Variants in PPP3CA observed in about 807,000 individuals in gnomAD.
The protein encoded by PPP3CA is CAM-PRP catalytic subunit.
Under a neutral mutation model 66.5 loss-of-function variants are expected in PPP3CA, and 14 were observed. That is an observed-to-expected ratio of 0.21 (90% CI 0.14 to 0.33). PPP3CA has a LOEUF of 0.33. Among genes scored for constraint, PPP3CA ranks in the 10% least tolerant of loss-of-function variants. The pLI is 1.00. For synonymous variants in PPP3CA, 232 were observed against 226.2 expected (o/e 1.03, Z -0.23); for missense variants, 317 against 639.5 (o/e 0.50, Z 5.44).
chr4:101,175,013 G>GTT (rs1724013380), intron 2 of PPP3CA, among the ~76,000 whole-genome samples: 1 of 152,086 alleles, frequency 6.6e-6, no homozygotes, highest in South Asian at 2.1e-4. Context: ...GAGGACTAAG[G>GTT]TAAGACTTAA....
intron 2 of PPP3CA, among the ~76,000 whole-genome samples, chr4:101,163,588 G>A (rs1051475883): frequency 6.6e-6 from 1 of 152,036 alleles, no homozygotes; most frequent in Admixed American, 6.6e-5. Context: ...TCTGGACAAG[G>A]TGTGTTCATC....
At chr4:101,063,656 G>A (rs1212247042) in intron 8 of PPP3CA, among the ~76,000 whole-genome samples, 3 of 151,878 alleles carry the variant, frequency 2.0e-5, no homozygotes, top group African/African-American at 7.2e-5. Flanking sequence ...TTTCAGCCAA[G>A]AATACTTTGG....
At chr4:101,238,576 C>G (rs1726200706) in intron 1 of PPP3CA, among the ~76,000 whole-genome samples, 2 of 151,904 alleles carry the variant, frequency 1.3e-5, no homozygotes, top group African/African-American at 2.4e-5. Flanking sequence ...GACATTCAAG[C>G]TTATTTTCCT....
chr4:101,097,005 A>G (rs1409509660), intron 5 of PPP3CA, among the ~76,000 whole-genome samples: 2 of 152,284 alleles, frequency 1.3e-5, no homozygotes, highest in South Asian at 4.1e-4. Flanking sequence ...GAGTCTTTGT[A>G]TGAATGCCCC....
chr4:101,083,471 G>T (rs956717127), intron 6 of PPP3CA, among the ~76,000 whole-genome samples: 7 of 151,990 alleles, frequency 4.6e-5, no homozygotes, highest in African/African-American at 1.7e-4. Flanking sequence ...TCAGAAAGGG[G>T]TTGAGGTGCA....
Position 101,221,653 on chromosome 4 carries a change from T to A in PPP3CA, c.59-25537A>T, listed in dbSNP as rs561155255. On this transcript the variant is annotated intron_variant, in intron 1 of 13. Coordinates refer to ENST00000394854, the MANE Select transcript of PPP3CA (RefSeq NM_000944.5). ...CTTTATTGAAAAACCACATAAAAAA[T>A]TCAAGTCCAACACCAGCAATGGGCA... is the stretch of plus-strand genomic sequence containing the variant. Among the ~76,000 whole-genome samples, 81 of 151,636 alleles carry A rather than the reference T, an allele frequency of 5.3e-4. 1 individual carries two copies. The highest frequency in any genetic ancestry group is 1.6e-3 in the African/African-American group (68 of 41,472).
intron 2 of PPP3CA, among the ~76,000 whole-genome samples, chr4:101,145,099 C>A (rs1722927600): frequency 1.3e-5 from 2 of 151,976 alleles, no homozygotes; most frequent in African/African-American, 4.8e-5. Flanking sequence ...TTCTCATGGA[C>A]TGTGATGTAC....
In PPP3CA at chr4:101,067,585, C is replaced by A. The variant is rs191284660; in HGVS notation, c.956-4228G>T. 2.7e-5 allele frequency among the ~76,000 whole-genome samples: 4 copies of A among 146,204 alleles called. No individual in the cohort carries two copies. The Admixed American group carries it at 2.8e-4, about 10-fold the overall frequency. Reference sequence around the variant, plus strand: ...ATTTCATAAGAACATGAAAACATTTCGCAACATGCTCTCTACAATTTCCAT... The same window carrying A: ...ATTTCATAAGAACATGAAAACATTTAGCAACATGCTCTCTACAATTTCCAT... On this transcript the variant is annotated intron_variant, in intron 8 of 13. Transcript: ENST00000394854.
chr4:101,315,343 C>T (rs1728852077), intron 1 of PPP3CA, among the ~76,000 whole-genome samples: 1 of 152,068 alleles, frequency 6.6e-6, no homozygotes, highest in Admixed American at 6.5e-5. Context: ...TTAGAGCAAC[C>T]CAAATGAACT....
intron 1 of PPP3CA, among the ~76,000 whole-genome samples, chr4:101,205,107 A>G (rs1402796949): frequency 6.6e-6 from 1 of 151,856 alleles, no homozygotes; most frequent in African/African-American, 2.4e-5. Flanking sequence ...TTATTTATAC[A>G]TTTATTTTTT....
intron 2 of PPP3CA, among the ~76,000 whole-genome samples, chr4:101,112,334 G>A (rs781035541): frequency 1.6e-4 from 24 of 152,070 alleles, no homozygotes; most frequent in Non-Finnish European, 3.1e-4. Context: ...TGTGATAAGA[G>A]ATAATCTCAA....
chr4:101,071,087 C>T (rs1471510165), intron 8 of PPP3CA, among the ~76,000 whole-genome samples: 5 of 152,092 alleles, frequency 3.3e-5, no homozygotes, highest in South Asian at 2.1e-4. Flanking sequence ...GGAGATGGCA[C>T]GGGCATAGCA....
At chr4:101,218,426 T>A (rs949189894) in intron 1 of PPP3CA, among the ~76,000 whole-genome samples, 1 of 152,072 alleles carries the variant, frequency 6.6e-6, no homozygotes, top group East Asian at 1.9e-4. Flanking sequence ...GTTTTCAGAG[T>A]TAAAATGTTA....
At chr4:101,131,280 A>AT in intron 2 of PPP3CA, among the ~76,000 whole-genome samples, 1 of 150,352 alleles carries the variant, frequency 6.7e-6, no homozygotes, top group Non-Finnish European at 1.5e-5. Flanking sequence ...AAATAAATAA[A>AT]ATAAAAAGGC....
intron 2 of PPP3CA, among the ~76,000 whole-genome samples, chr4:101,116,234 A>G (rs1721835041): frequency 6.6e-6 from 1 of 151,892 alleles, no homozygotes; most frequent in Non-Finnish European, 1.5e-5. Context: ...ATCGTTTAGC[A>G]ATTTTCACCA....
intron 1 of PPP3CA, among the ~76,000 whole-genome samples, chr4:101,205,693 C>A (rs752476154): frequency 6.6e-6 from 1 of 152,158 alleles, no homozygotes; most frequent in Admixed American, 6.5e-5. Flanking sequence ...GGTTAAAACA[C>A]CTATAGGCAT....
At chr4:101,068,348 C>T (rs1285899399) in intron 8 of PPP3CA, among the ~76,000 whole-genome samples, 2 of 152,144 alleles carry the variant, frequency 1.3e-5, no homozygotes, top group African/African-American at 2.4e-5. Flanking sequence ...GTTCTTTTGG[C>T]AAAGTCCTAC....
chr4:101,109,308 T>TAAAAAAAAAAA (rs70961775), intron 2 of PPP3CA, among the ~76,000 whole-genome samples: 8 of 90,034 alleles, frequency 8.9e-5, no homozygotes, highest in Non-Finnish European at 1.5e-4. Flanking sequence ...ACAGATTAAC[T>TAAAAAAAAAAA]AAAAAAAAAA....
At chr4:101,129,099 GT>G (rs1722342435) in intron 2 of PPP3CA, among the ~76,000 whole-genome samples, 1 of 152,132 alleles carries the variant, frequency 6.6e-6, no homozygotes, top group African/African-American at 2.4e-5. Flanking sequence ...TGAGTAGGCA[GT>G]TTTCCCCTCA....
Sources: gnomAD v4.1 joint callset for allele counts (sites outside exome capture counted in the v4.1 genomes callset) on GRCh38, gnomAD v4.1.1 for gene constraint, MANE v1.5 for transcripts, NCBI Gene and HGNC (gene_info 2026-07-23, HGNC 2026-07-21) for gene names.